The following PRKG1 variants were observed in gnomAD, a reference collection of about 807,000 sequenced individuals.
PRKG1 encodes cGMP-dependent protein kinase 1.
Under a neutral mutation model 88.1 loss-of-function variants are expected in PRKG1, and 35 were observed. The ratio of observed to expected loss-of-function variants is 0.40; its 90% CI spans 0.30 to 0.53. The LOEUF (loss-of-function observed/expected upper bound fraction) is 0.53, where lower values mean the gene tolerates loss of function less well. Ranked by LOEUF, PRKG1 falls within the 20% of genes least tolerant of loss-of-function variation. The pLI is 0.59. For missense variants in PRKG1, 540 were observed against 839.8 expected, an observed-to-expected ratio of 0.64 and a Z score of 4.41; for synonymous variants, 303 against 292.5, an observed-to-expected ratio of 1.04 and a Z score of -0.37.
intron 5 of PRKG1, among the ~76,000 whole-genome samples, chr10:52,030,701 C>A (rs10762541): frequency 6.6e-6 from 1 of 151,944 alleles, no homozygotes; most frequent in Non-Finnish European, 1.5e-5. Context: ...ACATAGGACA[C>A]GACCATGCTA....
At chr10:51,984,331 TG>T (rs1336877005) in intron 5 of PRKG1, among the ~76,000 whole-genome samples, 1 of 152,260 alleles carries the variant, frequency 6.6e-6, no homozygotes, top group African/African-American at 2.4e-5. Context: ...AAAGTGGCAT[TG>T]GTAACTGCAA....
At chr10:51,952,424 G>A (rs1843206280) in intron 5 of PRKG1, among the ~76,000 whole-genome samples, 1 of 152,094 alleles carries the variant, frequency 6.6e-6, no homozygotes, top group African/African-American at 2.4e-5. Flanking sequence ...TACTAGCTGG[G>A]GGACTTTAGG....
intron 2 of PRKG1, among the ~76,000 whole-genome samples, chr10:51,314,482 A>C (rs555683738): frequency 6.6e-6 from 1 of 152,360 alleles, no homozygotes; most frequent in Admixed American, 6.5e-5. Flanking sequence ...TACATGAGCC[A>C]CTTGTCATTC....
At chr10:51,421,028 T>C (rs191703660) in intron 2 of PRKG1, among the ~76,000 whole-genome samples, 41 of 152,278 alleles carry the variant, frequency 2.7e-4, no homozygotes, top group African/African-American at 8.9e-4. Flanking sequence ...ACCTCCAGCA[T>C]TGGGGATTAC....
In PRKG1 at chr10:51,703,359, G is replaced by A. The variant is rs373000321; in HGVS notation, c.593-101226G>A. Among the ~76,000 whole-genome samples, 187 of 152,130 alleles carry A rather than the reference G, an allele frequency of 1.2e-3. 2 individuals carry two copies. The Middle Eastern group carries it at 0.017, about 14-fold the overall frequency. ...ACAGTCATTTTTGAAATAAGTGTACGGGTCCTTCAAGGAATAGCTCAAATA... is the reference window on the plus strand; with the variant it reads ...ACAGTCATTTTTGAAATAAGTGTACAGGTCCTTCAAGGAATAGCTCAAATA... On this transcript the variant is annotated intron_variant, in intron 3 of 17. Transcript: ENST00000373980.
chr10:51,810,606 T>G (rs1429294420), intron 4 of PRKG1, among the ~76,000 whole-genome samples: 1 of 152,232 alleles, frequency 6.6e-6, no homozygotes, highest in Admixed American at 6.5e-5. Flanking sequence ...TGCTTTTCCC[T>G]TATTCTCTAA....
chr10:51,013,479 C>T (rs886630603), intron 1 of PRKG1, among the ~76,000 whole-genome samples: 1 of 152,302 alleles, frequency 6.6e-6, no homozygotes, highest in Middle Eastern at 3.4e-3. Context: ...CAACCTTCAC[C>T]TCTTGGATAC....
At chr10:51,064,690 AC>A (rs1469487723) in intron 1 of PRKG1, among the ~76,000 whole-genome samples, 1 of 151,994 alleles carries the variant, frequency 6.6e-6, no homozygotes, top group Non-Finnish European at 1.5e-5. Context: ...GAAAACATCT[AC>A]CTGAGAAATT....
intron 6 of PRKG1, among the ~76,000 whole-genome samples, chr10:52,060,176 C>T (rs1331158574): frequency 6.6e-6 from 1 of 151,744 alleles, no homozygotes; most frequent in Non-Finnish European, 1.5e-5. Flanking sequence ...ATGGACATTA[C>T]AGGTATCACA....
intron 2 of PRKG1, among the ~76,000 whole-genome samples, chr10:51,269,718 G>A (rs1839927646): frequency 6.6e-6 from 1 of 152,170 alleles, no homozygotes; most frequent in Non-Finnish European, 1.5e-5. Flanking sequence ...TCAGGCGGAA[G>A]TGTTGGAGGG....
chr10:51,133,537 G>GA lies in PRKG1; in HGVS notation c.312-19621dup, dbSNP rs1357236819. Among the ~76,000 whole-genome samples, 12 of 152,254 alleles carry GA rather than the reference G, an allele frequency of 7.9e-5. No homozygotes were observed. The East Asian group carries it at 2.3e-3, about 29-fold the overall frequency. ...TGGACAAACATTGAGGAAATAGCAG[G>GA]AAAAAAGATTCAAACTCAGGTCTTT... On this transcript the variant is annotated intron_variant, in intron 1 of 17. Transcript: ENST00000373980.
chr10:51,838,530 G>A (rs1207666355), intron 4 of PRKG1, among the ~76,000 whole-genome samples: 2 of 152,192 alleles, frequency 1.3e-5, no homozygotes, highest in Admixed American at 6.5e-5. Flanking sequence ...TATTTTTAAA[G>A]GGAGCTTCCT....
intron 3 of PRKG1, among the ~76,000 whole-genome samples, chr10:51,717,978 T>G (rs1451410397): frequency 1.3e-5 from 2 of 152,212 alleles, no homozygotes; most frequent in Non-Finnish European, 2.9e-5. Context: ...TGTCTCAGGT[T>G]TCTTAGTCCT....
chr10:51,738,931 C>T (rs980805875), intron 3 of PRKG1, among the ~76,000 whole-genome samples: 5 of 152,148 alleles, frequency 3.3e-5, no homozygotes, highest in African/African-American at 1.2e-4. Flanking sequence ...CAAAAATAAG[C>T]AACTATGAAA....
chr10:51,317,566 G>T (rs1308619898), intron 2 of PRKG1, among the ~76,000 whole-genome samples: 1 of 152,132 alleles, frequency 6.6e-6, no homozygotes, highest in East Asian at 1.9e-4. Context: ...GTAGTTGAAA[G>T]GGAAAGAAGC....
At chr10:51,954,733 AT>A (rs1843263063) in intron 5 of PRKG1, among the ~76,000 whole-genome samples, 1 of 152,140 alleles carries the variant, frequency 6.6e-6, no homozygotes, top group Non-Finnish European at 1.5e-5. Context: ...AGAGACTTTT[AT>A]TTTTGTTTAT....
At chr10:52,144,782 A>T (rs1441882301) in intron 8 of PRKG1, among the ~76,000 whole-genome samples, 1 of 152,102 alleles carries the variant, frequency 6.6e-6, no homozygotes, top group Non-Finnish European at 1.5e-5. Context: ...GCATCACTGT[A>T]CTCCACCCTG....
At chr10:51,860,029 C>T (rs1312611807) in intron 4 of PRKG1, among the ~76,000 whole-genome samples, 1 of 152,084 alleles carries the variant, frequency 6.6e-6, no homozygotes, top group Non-Finnish European at 1.5e-5. Context: ...GTACTCGTGT[C>T]ATCCCTGTAT....
rs71489327 is a variant in PRKG1 at position 51,553,921 on chromosome 10, A to G, written c.592+86085A>G. On this transcript the variant is annotated intron_variant, in intron 3 of 17. Transcript: ENST00000373980. The stretch of plus-strand genomic sequence containing the variant: ...ATGTATGTATTAGATACGTGTATAT[A>G]ATATATGTATGTATTAGATACGTGT... Among the ~76,000 whole-genome samples, 2 of 133,090 alleles carry G rather than the reference A, an allele frequency of 1.5e-5. 1 individual carries two copies. The highest frequency in any genetic ancestry group is 5.8e-5 in the African/African-American group (2 of 34,518). The allele number at this position is 133,090 out of a possible 152,430, so 87.3% of individuals were successfully genotyped here.
Sources: gnomAD v4.1 joint callset for allele counts (sites outside exome capture counted in the v4.1 genomes callset) on GRCh38, gnomAD v4.1.1 for gene constraint, MANE v1.5 for transcripts, NCBI Gene and HGNC (gene_info 2026-07-23, HGNC 2026-07-21) for gene names.